Variants in WDR91 observed in about 807,000 individuals in gnomAD.
The protein encoded by WDR91 is WD repeat-containing protein 91.
In WDR91, 52 loss-of-function variants were observed where a neutral mutation model predicts 88.4. That is an observed-to-expected ratio of 0.59 (90% CI 0.47 to 0.74). WDR91 has a LOEUF of 0.74. Ranked by LOEUF, WDR91 falls within the 30% of genes least tolerant of loss-of-function variation. The pLI, the probability that WDR91 is intolerant of heterozygous loss-of-function variation, is 0.00. For synonymous variants in WDR91, 362 were observed against 389.5 expected (o/e 0.93, Z 0.83); for missense variants, 824 against 954.5 (o/e 0.86, Z 1.80).
At chr7:135,190,213 T>A (rs1303882090) in intron 11 of WDR91, among the ~76,000 whole-genome samples, 1 of 152,156 alleles carries the variant, frequency 6.6e-6, no homozygotes, top group African/African-American at 2.4e-5. Context: ...CCATGTGTGA[T>A]CTGCCCAAGG....
Position 135,196,316 on chromosome 7 carries a change from C to T in WDR91, c.1072G>A (p.Ala358Thr), listed in dbSNP as rs771678014. 8.3e-6 allele frequency: 13 copies of T among 1,570,870 alleles called. No individual in the cohort carries two copies. Among genetic ancestry groups the T allele is most frequent in the South Asian group, 1.2e-5 (1 of 84,902 alleles). Residue 358 changes from alanine (A) to threonine (T), a missense_variant, in exon 8 of 15, where the codon GCC becomes ACC. Coordinates refer to ENST00000354475, the MANE Select transcript of WDR91 (RefSeq NM_014149.4). This position sits in a 1 kb window ranked among gnomAD's most constrained non-coding sequence, Gnocchi z 4.2. ...CAGGGCTCAGCCTCTGGGCCACTGG[C>T]TTCTGGTTTCTTCTCTGCACACTGT... ...TSQCAEKKPE[A>T]SGPEAEPCPE...
chr7:135,185,833 A>G lies in WDR91; in HGVS notation c.*318T>C. 1 of 300,208 alleles carries G rather than the reference A, an allele frequency of 3.3e-6. No homozygotes were observed. Among genetic ancestry groups the G allele is most frequent in the Non-Finnish European group, 6.1e-6 (1 of 164,626 alleles). The allele number at this position is 300,208 out of a possible 1,614,324, so 18.6% of individuals were successfully genotyped here. A position where few individuals can be genotyped will look rare whatever the true frequency, so the allele number is the denominator to read the frequency against. On this transcript the variant is annotated 3_prime_UTR_variant, in exon 15 of 15. Coordinates refer to ENST00000354475, the MANE Select transcript of WDR91 (RefSeq NM_014149.4). ...AAGATAAATGGGCACATATATACAA[A>G]ATACTGTCAATTTCTACTGGGCCAA...
intron 8 of WDR91, among the ~76,000 whole-genome samples, 178 bp downstream of exon 8, chr7:135,195,966 G>A (rs190393495): frequency 6.6e-6 from 1 of 151,176 alleles, no homozygotes; most frequent in South Asian, 2.1e-4. Context: ...AAAAAAAAAA[G>A]GGCAGACAGG....
rs1831395132 is a variant in WDR91, at chr7:135,196,871, T to C, written c.1051-534A>G. On this transcript the variant is annotated intron_variant, in intron 7 of 14. Transcript: ENST00000354475. This position sits in a 1 kb window ranked among gnomAD's most constrained non-coding sequence, Gnocchi z 4.2. The stretch of plus-strand genomic sequence containing the variant: ...GGGTAAGAGGTAAGCCCGGCCCCTT[T>C]CCAGTGCACCCCTAGGCCCACCAGC... 6.6e-6 allele frequency among the ~76,000 whole-genome samples: 1 copy of C among 152,032 alleles called. No individual in the cohort carries two copies. The highest frequency in any genetic ancestry group is 1.5e-5 in the Non-Finnish European group (1 of 67,960).
chr7:135,209,848 G>A lies in WDR91; in HGVS notation c.124-93C>T, dbSNP rs1288599420. ...GCTTTTTCCTCTTGTCATGGCTTCT[G>A]GGTGTAAAAAAAAATTTGTAAGTTA... On this transcript the variant is annotated intron_variant, in intron 1 of 14. Coordinates refer to ENST00000354475, the MANE Select transcript of WDR91 (RefSeq NM_014149.4). 3 of 1,195,214 alleles carry A rather than the reference G, an allele frequency of 2.5e-6. No homozygotes were observed. The East Asian group carries it at 8.3e-5, about 33-fold the overall frequency. The allele number at this position is 1,195,214 out of a possible 1,614,324, so 74.0% of individuals were successfully genotyped here. A position where few individuals can be genotyped will look rare whatever the true frequency, so the allele number is the denominator to read the frequency against.
At position 135,185,613 on chromosome 7, in the gene WDR91, A is replaced by G. The variant is rs1585396591; in HGVS notation, c.*538T>C. 6.6e-6 allele frequency: 1 copy of G among 152,202 alleles called. No individual in the cohort carries two copies. Among genetic ancestry groups the G allele is most frequent in the African/African-American group, 2.4e-5 (1 of 41,436 alleles). The allele number at this position is 152,202 out of a possible 1,614,324, so 9.4% of individuals were successfully genotyped here. A position where few individuals can be genotyped will look rare whatever the true frequency, so the allele number is the denominator to read the frequency against. On this transcript the variant is annotated 3_prime_UTR_variant, in exon 15 of 15. Transcript: ENST00000354475. Reference sequence around the variant, plus strand: ...AAGCCCAGAGAAACAGGAACTGCCAAACCTTGTTACCCAGCAGAACAGACA... The same window carrying G: ...AAGCCCAGAGAAACAGGAACTGCCAGACCTTGTTACCCAGCAGAACAGACA...
intron 5 of WDR91, among the ~76,000 whole-genome samples, chr7:135,205,638 T>C (rs760177351): frequency 5.9e-5 from 9 of 152,236 alleles, no homozygotes; most frequent in Non-Finnish European, 1.2e-4. Flanking sequence ...CATGCACTTG[T>C]AATCCCAGCT....
In WDR91 at chr7:135,188,471, C is replaced by T. The variant is rs763950310; in HGVS notation, c.1843G>A (p.Asp615Asn). The change falls in exon 13 of 15, where the codon GAT (aspartate) becomes AAT (asparagine). Residue 615 changes from aspartate (D) to asparagine (N), a missense_variant. Coordinates refer to ENST00000354475, the MANE Select transcript of WDR91 (RefSeq NM_014149.4). ...CCGATGCTGTACACGGTGTTCTCAT[C>T]ATAGCTGAACTCCACAGAGTAGACC... is the stretch of plus-strand genomic sequence containing the variant. Reference protein sequence around the residue: ...GEVYSVEFSYDENTVYSIGED... With the variant: ...GEVYSVEFSYNENTVYSIGED... 4 of 1,614,010 alleles carry T rather than the reference C, an allele frequency of 2.5e-6. No homozygotes were observed. Among genetic ancestry groups the T allele is most frequent in the Non-Finnish European group, 8.5e-7 (1 of 1,180,024 alleles).
rs937899250 is a variant in WDR91 at position 135,196,680 on chromosome 7, G to A, written c.1051-343C>T. Among the ~76,000 whole-genome samples the A allele has an allele frequency of 4.6e-5, 7 of 152,188 alleles. No homozygotes were observed. Among genetic ancestry groups the A allele is most frequent in the South Asian group, 2.1e-4 (1 of 4,828 alleles). On this transcript the variant is annotated intron_variant, in intron 7 of 14. Coordinates refer to ENST00000354475, the MANE Select transcript of WDR91 (RefSeq NM_014149.4). The surrounding 1 kb of genome is among the most constrained non-coding windows in gnomAD (Gnocchi z 4.2). ...ATGCGTGGTGCAGGCCACACACCGCGCTGAGTATTTTACAGATTTCTCTCA... is the reference window on the plus strand; with the variant it reads ...ATGCGTGGTGCAGGCCACACACCGCACTGAGTATTTTACAGATTTCTCTCA...
In WDR91 at chr7:135,186,023, C is replaced by A; in HGVS notation, c.*128G>T. On this transcript the variant is annotated 3_prime_UTR_variant, in exon 15 of 15. Transcript: ENST00000354475. ...AGATGGAAGCACCTGAGCCTCCTTG[C>A]CAGTCTTTCCCTGCAGAGTCACTGC... 8.7e-7 allele frequency: 1 copy of A among 1,148,602 alleles called. No homozygotes were observed. Among genetic ancestry groups the A allele is most frequent in the East Asian group, 2.9e-5 (1 of 34,418 alleles). 71.2% of individuals were successfully genotyped at this position (1,148,602 alleles called of 1,614,324 possible).
chr7:135,192,699 AG>A (rs1263662957), intron 11 of WDR91, among the ~76,000 whole-genome samples: 1 of 152,248 alleles, frequency 6.6e-6, no homozygotes, highest in Non-Finnish European at 1.5e-5. Flanking sequence ...ACTTGTAAGC[AG>A]TGAAACGAAT....
At chr7:135,186,597 G>A (rs757199642) in intron 14 of WDR91, among the ~76,000 whole-genome samples, 15 of 152,252 alleles carry the variant, frequency 9.9e-5, no homozygotes, top group African/African-American at 2.9e-4. Flanking sequence ...CACGCACACT[G>A]GTTGTTCTCA....
intron 3 of WDR91, 172 bp from the exon 4 acceptor site, chr7:135,207,374 C>A: frequency 1.6e-6 from 1 of 623,628 alleles, no homozygotes; most frequent in Non-Finnish European, 3.0e-6. Context: ...AGTCTTGTCT[C>A]TAAGACTTTC....
chr7:135,211,264 G>C (rs571139055), intron 1 of WDR91, 116 bp downstream of exon 1: 4 of 1,432,922 alleles, frequency 2.8e-6, no homozygotes, highest in Middle Eastern at 2.5e-4. Flanking sequence ...TGAGGTCTCC[G>C]GCGCCCCGGC....
Position 135,209,488 on chromosome 7 carries a change from T to A in WDR91, c.303+88A>T. 3 of 1,324,834 alleles carry A rather than the reference T, an allele frequency of 2.3e-6. No homozygotes were observed. In the South Asian group the frequency reaches 4.9e-5, roughly 22 times the overall value. 82.1% of individuals were successfully genotyped at this position (1,324,834 alleles called of 1,614,324 possible). A position where few individuals can be genotyped will look rare whatever the true frequency, so the allele number is the denominator to read the frequency against. On this transcript the variant is annotated intron_variant, in intron 2 of 14. Transcript: ENST00000354475. ...ACTCTTTCCCATAGTCACATACAGA[T>A]TCCTCCCTAGGAACTGGAAGAAAAT... is the stretch of plus-strand genomic sequence containing the variant.
rs1830927927 is a variant in WDR91, at chr7:135,186,122, C to CT, written c.*28dup. ...CCTCCCCCCACCGCAGATAATACTG[C>CT]TTCCTCGGGTGGCCCTTGGGGCAAG... On this transcript the variant is annotated 3_prime_UTR_variant, in exon 15 of 15. Coordinates refer to ENST00000354475, the MANE Select transcript of WDR91 (RefSeq NM_014149.4). 1 of 1,568,370 alleles carries CT rather than the reference C, an allele frequency of 6.4e-7. No individual in the cohort carries two copies. Among genetic ancestry groups the CT allele is most frequent in the African/African-American group, 1.4e-5 (1 of 72,142 alleles).
Position 135,208,981 on chromosome 7 carries a change from C to T in WDR91, c.321G>A (p.Lys107=). The T allele has an allele frequency of 6.2e-7, 1 of 1,613,650 alleles. No homozygotes were observed. Among genetic ancestry groups the T allele is most frequent in the Non-Finnish European group, 8.5e-7 (1 of 1,179,816 alleles). ...VYTIQTNRND[K]AQEFFAKQAT... ...CCTGCTTTGCAAAGAACTCCTGAGC[C>T]TTGTCATTTCTGTTTGTCTGCCAAG... The change falls in exon 3 of 15, where the codon AAG becomes AAA. Residue 107 remains lysine, a synonymous_variant. Coordinates refer to ENST00000354475, the MANE Select transcript of WDR91 (RefSeq NM_014149.4).
At position 135,208,807 on chromosome 7, in the gene WDR91, G is replaced by T. The variant is rs760892889; in HGVS notation, c.495C>A (p.Val165=). 2 of 1,609,694 alleles carry T rather than the reference G, an allele frequency of 1.2e-6. No homozygotes were observed. The highest frequency in any genetic ancestry group is 1.7e-6 in the Non-Finnish European group (2 of 1,177,272). ...AAAGGATATGCATGCACTGAAACAG[G>T]ACGCTCAGGAAGTTGTGCAGGGACA... ...FIVSLHNFLS[V]LFQCMPVPVI... The change falls in exon 3 of 15, where the codon GTC becomes GTA. Residue 165 remains valine (V), a synonymous_variant. Coordinates refer to ENST00000354475, the MANE Select transcript of WDR91 (RefSeq NM_014149.4).
chr7:135,206,914 G>C (rs1008087284), intron 4 of WDR91: 1 of 316,988 alleles, frequency 3.2e-6, no homozygotes, highest in Non-Finnish European at 6.2e-6. Context: ...CTACATATCT[G>C]ACTTAAAATA....
Sources: allele counts gnomAD v4.1 joint callset (sites outside exome capture counted in the v4.1 genomes callset), GRCh38; gene constraint gnomAD v4.1.1; non-coding constraint Gnocchi (gnomAD v3.1); transcripts MANE v1.5; gene names NCBI Gene and HGNC (gene_info 2026-07-23, HGNC 2026-07-21).